LRIG1: variants seen among roughly 807,000 people sequenced by gnomAD.
The protein encoded by LRIG1 is leucine-rich repeats and immunoglobulin-like domains protein 1.
A neutral mutation model predicts 99.2 loss-of-function variants in LRIG1; 48 were observed. That is an observed-to-expected ratio of 0.48 (90% CI 0.38 to 0.62). The LOEUF (loss-of-function observed/expected upper bound fraction) is 0.62, where lower values mean the gene tolerates loss of function less well. Ranked by LOEUF, LRIG1 falls within the 20% of genes least tolerant of loss-of-function variation. LRIG1 has a pLI of 0.00. For missense variants in LRIG1, 1,646 were observed against 1,434.4 expected (o/e 1.15, Z -2.38); for synonymous variants, 772 against 596.1 (o/e 1.29, Z -4.30).
intron 3 of LRIG1, among the ~76,000 whole-genome samples, chr3:66,426,709 T>C (rs115894340): frequency 2.0e-4 from 30 of 152,304 alleles, no homozygotes; most frequent in African/African-American, 6.0e-4. Context: ...CCAGTGAAGA[T>C]AGATGGGCAA....
chr3:66,450,328 C>T (rs1703862184), intron 3 of LRIG1, among the ~76,000 whole-genome samples: 1 of 152,172 alleles, frequency 6.6e-6, no homozygotes, highest in Admixed American at 6.5e-5. Context: ...TTGTCAAACA[C>T]TCCCACAGAA....
intron 13 of LRIG1, among the ~76,000 whole-genome samples, chr3:66,384,595 G>T (rs1701270511): frequency 6.6e-6 from 1 of 152,036 alleles, no homozygotes; most frequent in African/African-American, 2.4e-5. Context: ...TAGGCCTGAT[G>T]CTTGCCTGCT....
chr3:66,420,605 C>T (rs912778369), intron 3 of LRIG1, among the ~76,000 whole-genome samples: 2 of 152,180 alleles, frequency 1.3e-5, no homozygotes, highest in African/African-American at 4.8e-5. Context: ...ATTACTCAGC[C>T]TTAAAAAGAA....
At chr3:66,499,130 T>C (rs1701294227) in intron 1 of LRIG1, among the ~76,000 whole-genome samples, 1 of 152,230 alleles carries the variant, frequency 6.6e-6, no homozygotes, top group Non-Finnish European at 1.5e-5. Context: ...TAATTACCCA[T>C]AACTGAACGG....
At chr3:66,486,053 A>C (rs1246601614) in intron 1 of LRIG1, among the ~76,000 whole-genome samples, 1 of 152,204 alleles carries the variant, frequency 6.6e-6, no homozygotes, top group African/African-American at 2.4e-5. Flanking sequence ...AAGTCATTCA[A>C]CTACTCTGGG....
At chr3:66,491,417 A>G (rs1393209842) in intron 1 of LRIG1, among the ~76,000 whole-genome samples, 1 of 152,224 alleles carries the variant, frequency 6.6e-6, no homozygotes, top group East Asian at 1.9e-4. Context: ...AGAATTGCAC[A>G]TTCTGGCAGA....
intron 2 of LRIG1, among the ~76,000 whole-genome samples, chr3:66,453,769 TAACAGCAC>T: frequency 6.6e-6 from 1 of 152,304 alleles, no homozygotes; most frequent in South Asian, 2.1e-4. Flanking sequence ...ATCCCTTAGG[TAACAGCAC>T]AGTTGTTTTT....
chr3:66,403,751 G>A (rs1020511343), intron 9 of LRIG1, among the ~76,000 whole-genome samples: 6 of 152,158 alleles, frequency 3.9e-5, no homozygotes, highest in African/African-American at 1.2e-4. Flanking sequence ...CCCAGGAAAC[G>A]GCTCCAGGTT....
rs112653475 is a variant in LRIG1, at chr3:66,461,700, C to A, written c.290+738G>T. Among the ~76,000 whole-genome samples the A allele has an allele frequency of 7.5e-4, 114 of 152,248 alleles. 1 individual carries two copies. Among genetic ancestry groups the A allele is most frequent in the African/African-American group, 2.6e-3 (107 of 41,536 alleles). On this transcript the variant is annotated intron_variant, in intron 2 of 18. Coordinates refer to ENST00000273261, the MANE Select transcript of LRIG1 (RefSeq NM_015541.3). ...CAATTTTTCTACAATATGTATACTA[C>A]ATATATGTGAAGGTTTCTATAAAGT...
intron 1 of LRIG1, among the ~76,000 whole-genome samples, chr3:66,485,905 C>T (rs1261925370): frequency 3.9e-5 from 6 of 152,302 alleles, no homozygotes; most frequent in Middle Eastern, 6.8e-3. Context: ...CTTCAAGCCA[C>T]CAAAGACCAA....
At chr3:66,420,987 A>G (rs534308453) in intron 3 of LRIG1, among the ~76,000 whole-genome samples, 1 of 152,206 alleles carries the variant, frequency 6.6e-6, no homozygotes, top group Non-Finnish European at 1.5e-5. Flanking sequence ...GCAGGCAAAA[A>G]AAAGGGCTTG....
At chr3:66,414,051 T>C (rs1702546767) in intron 5 of LRIG1, among the ~76,000 whole-genome samples, 1 of 152,156 alleles carries the variant, frequency 6.6e-6, no homozygotes, top group Non-Finnish European at 1.5e-5. Flanking sequence ...CTCTGCCTTC[T>C]AGAAGGGTAC....
intron 1 of LRIG1, among the ~76,000 whole-genome samples, chr3:66,496,660 T>G (rs1701234404): frequency 6.6e-6 from 1 of 152,218 alleles, no homozygotes; most frequent in Non-Finnish European, 1.5e-5. Context: ...ATCGGAAGAC[T>G]TTTGTTTCAA....
At position 66,430,325 on chromosome 3, in the gene LRIG1, G is replaced by A. The variant is rs762053868; in HGVS notation, c.366-13059C>T. ...ACAGACCTATTTAAAAGCAAATGTC[G>A]AATACGATGGATTTTCGATTTTCAA... On this transcript the variant is annotated intron_variant, in intron 3 of 18. Coordinates refer to ENST00000273261, the MANE Select transcript of LRIG1 (RefSeq NM_015541.3). 7.9e-5 allele frequency among the ~76,000 whole-genome samples: 12 copies of A among 152,236 alleles called. No homozygotes were observed. The South Asian group carries it at 1.5e-3, about 18-fold the overall frequency.
chr3:66,490,466 A>T (rs1701076779), intron 1 of LRIG1, among the ~76,000 whole-genome samples: 1 of 152,208 alleles, frequency 6.6e-6, no homozygotes, highest in Non-Finnish European at 1.5e-5. Context: ...GAAACCACAG[A>T]CACAGAGAAA....
chr3:66,411,779 C>G (rs1559785336), intron 6 of LRIG1, among the ~76,000 whole-genome samples: 1 of 151,974 alleles, frequency 6.6e-6, no homozygotes, highest in Non-Finnish European at 1.5e-5. Context: ...CATTGACTCT[C>G]AAGGAGGAAA....
intron 12 of LRIG1, among the ~76,000 whole-genome samples, chr3:66,393,660 C>G (rs1286227047): frequency 6.6e-6 from 1 of 152,190 alleles, no homozygotes; most frequent in Non-Finnish European, 1.5e-5. Flanking sequence ...TGTATTTAAC[C>G]TTTCATTCTT....
At chr3:66,491,571 AAC>A (rs1166993089) in intron 1 of LRIG1, among the ~76,000 whole-genome samples, 1 of 152,216 alleles carries the variant, frequency 6.6e-6, no homozygotes, top group Admixed American at 6.5e-5. Context: ...CCTTTGGAAA[AAC>A]ACAGTTAAAA....
At chr3:66,399,216 C>T (rs866426130) in intron 9 of LRIG1, among the ~76,000 whole-genome samples, 175 bp from the exon 10 acceptor site, 1 of 152,172 alleles carries the variant, frequency 6.6e-6, no homozygotes, top group Non-Finnish European at 1.5e-5. Context: ...GTTTGAGGCA[C>T]GCAGGCCTTC....
Sources: allele counts gnomAD v4.1 joint callset (sites outside exome capture counted in the v4.1 genomes callset), GRCh38; gene constraint gnomAD v4.1.1; transcripts MANE v1.5; gene names NCBI Gene and HGNC (gene_info 2026-07-23, HGNC 2026-07-21).